The following NELL1 variants were observed in gnomAD, a reference collection of about 807,000 sequenced individuals.
The protein encoded by NELL1 is protein kinase C-binding protein NELL1.
A neutral mutation model predicts 107.4 loss-of-function variants in NELL1; 76 were observed. The ratio of observed to expected loss-of-function variants is 0.71; its 90% CI spans 0.59 to 0.86. The LOEUF (loss-of-function observed/expected upper bound fraction) is 0.86. Ranked by LOEUF, NELL1 falls within the 40% of genes least tolerant of loss-of-function variation. NELL1 has a pLI of 0.00. For synonymous variants in NELL1, 353 were observed against 341.2 expected (o/e 1.03, Z -0.38); for missense variants, 1,024 against 1,005.5 (o/e 1.02, Z -0.25).
chr11:21,341,424 G>A (rs1379073904), intron 14 of NELL1, among the ~76,000 whole-genome samples: 1 of 152,196 alleles, frequency 6.6e-6, no homozygotes, highest in Non-Finnish European at 1.5e-5. Context: ...ACACATGAGT[G>A]TGTGGCAGGC....
chr11:20,933,405 G>A (rs950664488), intron 9 of NELL1, among the ~76,000 whole-genome samples: 4 of 152,204 alleles, frequency 2.6e-5, no homozygotes, highest in African/African-American at 9.6e-5. Context: ...ACAGAAATAA[G>A]ACAGGTGGAG....
intron 12 of NELL1, among the ~76,000 whole-genome samples, chr11:21,024,630 T>C (rs1334058783): frequency 6.6e-6 from 1 of 152,134 alleles, no homozygotes; most frequent in African/African-American, 2.4e-5. Context: ...ATTTGTGTTA[T>C]CTCTCATGAA....
chr11:21,386,872 G>T (rs1851759520), intron 15 of NELL1, among the ~76,000 whole-genome samples: 1 of 151,858 alleles, frequency 6.6e-6, no homozygotes, highest in Admixed American at 6.6e-5. Context: ...AGTCAGAATG[G>T]TGAAGGAACC....
chr11:20,931,539 C>T (rs535488877), intron 9 of NELL1, among the ~76,000 whole-genome samples: 6 of 151,700 alleles, frequency 4.0e-5, no homozygotes, highest in East Asian at 3.9e-4. Context: ...TGCTGTAGAC[C>T]GTAAATATGC....
chr11:21,233,176 A>T (rs992617531), intron 14 of NELL1, among the ~76,000 whole-genome samples: 1 of 152,102 alleles, frequency 6.6e-6, no homozygotes, highest in African/African-American at 2.4e-5. Context: ...CTTCTTTTGG[A>T]TGGAAAATAC....
intron 13 of NELL1, among the ~76,000 whole-genome samples, chr11:21,180,815 A>G (rs975779024): frequency 6.6e-6 from 1 of 151,584 alleles, no homozygotes; most frequent in Non-Finnish European, 1.5e-5. Context: ...TTTTGTCTGA[A>G]CATCCAACTC....
intron 14 of NELL1, chr11:21,284,775 G>T (rs1849079025): frequency 2.9e-6 from 1 of 340,190 alleles, no homozygotes; most frequent in Non-Finnish European, 5.8e-6. Context: ...CATGCTGCTG[G>T]CAATTTGTAT....
At chr11:21,511,810 A>G (rs1228552096) in intron 15 of NELL1, among the ~76,000 whole-genome samples, 1 of 152,174 alleles carries the variant, frequency 6.6e-6, no homozygotes, top group African/African-American at 2.4e-5. Flanking sequence ...GGATGAGAAA[A>G]AGCATGAGGA....
At chr11:20,947,577 ACCTCTCTCAGT>A (rs1850990214) in intron 11 of NELL1, 142 bp downstream of exon 11, 2 of 628,514 alleles carry the variant, frequency 3.2e-6, no homozygotes, top group East Asian at 2.6e-5. Context: ...TATCCTATTT[ACCTCTCTCAGT>A]CATAGTCTCC....
intron 13 of NELL1, among the ~76,000 whole-genome samples, chr11:21,160,333 A>T (rs1856335185): frequency 6.6e-6 from 1 of 152,192 alleles, no homozygotes; most frequent in Admixed American, 6.5e-5. Flanking sequence ...GAACCTGTCA[A>T]AATGCCTGGG....
intron 2 of NELL1, among the ~76,000 whole-genome samples, chr11:20,685,233 C>T (rs941089785): frequency 1.3e-5 from 2 of 152,044 alleles, no homozygotes; most frequent in South Asian, 4.1e-4. Context: ...TATCCCGTCT[C>T]TGAAGGATCA....
intron 2 of NELL1, among the ~76,000 whole-genome samples, chr11:20,756,112 C>G (rs1366845031): frequency 6.7e-6 from 1 of 150,326 alleles, no homozygotes; most frequent in Non-Finnish European, 1.5e-5. Context: ...GATCTCCTGA[C>G]CTCGTGATCC....
At chr11:20,727,599 A>G (rs1414487476) in intron 2 of NELL1, among the ~76,000 whole-genome samples, 2 of 152,160 alleles carry the variant, frequency 1.3e-5, no homozygotes, top group Non-Finnish European at 2.9e-5. Flanking sequence ...TCTGTAGTTT[A>G]ATTAGATCCC....
intron 15 of NELL1, among the ~76,000 whole-genome samples, chr11:21,400,990 C>T (rs541755127): frequency 3.3e-5 from 5 of 152,008 alleles, no homozygotes; most frequent in Admixed American, 2.6e-4. Context: ...CCAGTGATGG[C>T]AGCAAAGACA....
At position 21,138,448 on chromosome 11, in the gene NELL1, G is replaced by A. The variant is rs181930634; in HGVS notation, c.1426+24734G>A. Among the ~76,000 whole-genome samples the A allele has an allele frequency of 3.2e-3, 483 of 152,260 alleles. 3 individuals carry two copies. Among genetic ancestry groups the A allele is most frequent in the Non-Finnish European group, 5.2e-3 (351 of 68,018 alleles). On this transcript the variant is annotated intron_variant, in intron 13 of 19. Transcript: ENST00000357134. ...CAAACCATCTATCACTCAGAGACAC[G>A]TCAACAAGAAAATAAAAAGTGAACA...
intron 15 of NELL1, among the ~76,000 whole-genome samples, chr11:21,516,129 C>A (rs1855555838): frequency 6.6e-6 from 1 of 152,114 alleles, no homozygotes; most frequent in Non-Finnish European, 1.5e-5. Context: ...ATTAGACAGA[C>A]CTGAACTTGA....
intron 14 of NELL1, among the ~76,000 whole-genome samples, chr11:21,235,519 C>A (rs993039678): frequency 1.3e-5 from 2 of 151,902 alleles, no homozygotes; most frequent in African/African-American, 4.8e-5. Context: ...ACTGATGGAG[C>A]GGGGAGGTAT....
intron 2 of NELL1, among the ~76,000 whole-genome samples, chr11:20,692,415 G>A (rs900826296): frequency 2.6e-5 from 4 of 151,488 alleles, no homozygotes; most frequent in South Asian, 2.1e-4. Context: ...TTTCTCTTGT[G>A]GGCATTTAGT....
At chr11:20,988,361 A>G (rs1226753364) in intron 12 of NELL1, among the ~76,000 whole-genome samples, 1 of 151,602 alleles carries the variant, frequency 6.6e-6, no homozygotes, top group Non-Finnish European at 1.5e-5. Context: ...ACATATCTCT[A>G]TATATACACA....
Sources: gnomAD v4.1 joint callset for allele counts (sites outside exome capture counted in the v4.1 genomes callset) on GRCh38, gnomAD v4.1.1 for gene constraint, MANE v1.5 for transcripts, NCBI Gene and HGNC (gene_info 2026-07-23, HGNC 2026-07-21) for gene names.